TRAPPC9: variants seen among roughly 807,000 people sequenced by gnomAD.
The protein encoded by TRAPPC9 is trafficking protein particle complex subunit 9.
TRAPPC9 carries 83 observed loss-of-function variants against 124.0 expected under a neutral mutation model. The ratio of observed to expected loss-of-function variants is 0.67; its 90% CI spans 0.56 to 0.80. The LOEUF (loss-of-function observed/expected upper bound fraction) is 0.80. Ranked by LOEUF, TRAPPC9 falls within the 30% of genes least tolerant of loss-of-function variation. The probability of loss-of-function intolerance (pLI) is 0.00; values close to 1 mark genes in which losing one functional copy is unlikely to be tolerated. For synonymous variants in TRAPPC9, 638 were observed against 617.5 expected (o/e 1.03, Z -0.49); for missense variants, 1,302 against 1,508.3 (o/e 0.86, Z 2.27).
At chr8:140,119,724 G>A (rs1282163685) in intron 17 of TRAPPC9, among the ~76,000 whole-genome samples, 1 of 152,190 alleles carries the variant, frequency 6.6e-6, no homozygotes, top group African/African-American at 2.4e-5. Flanking sequence ...AAATAAACCA[G>A]GGAATTTAAC....
intron 1 of TRAPPC9, among the ~76,000 whole-genome samples, chr8:140,455,090 C>T (rs1488015432): frequency 1.3e-5 from 2 of 152,264 alleles, no homozygotes; most frequent in African/African-American, 2.4e-5. Context: ...GATCTGAAAA[C>T]ATGTGTCCAC....
intron 21 of TRAPPC9, among the ~76,000 whole-genome samples, chr8:139,835,133 C>T (rs1826249252): frequency 6.6e-6 from 1 of 152,182 alleles, no homozygotes; most frequent in African/African-American, 2.4e-5. Context: ...GGTGAATCAC[C>T]TCTCCTCTTG....
At chr8:140,007,338 T>TC (rs1838825709) in intron 18 of TRAPPC9, among the ~76,000 whole-genome samples, 1 of 152,188 alleles carries the variant, frequency 6.6e-6, no homozygotes, top group African/African-American at 2.4e-5. Context: ...TTGCAGCACA[T>TC]CAAGACATTT....
At chr8:139,749,699 A>G (rs933016307) in intron 21 of TRAPPC9, among the ~76,000 whole-genome samples, 20 of 152,314 alleles carry the variant, frequency 1.3e-4, no homozygotes, top group African/African-American at 4.6e-4. Flanking sequence ...GTCTTAGAGC[A>G]CAAACGGGAA....
chr8:139,987,713 C>T (rs575173477), intron 19 of TRAPPC9, among the ~76,000 whole-genome samples: 11 of 152,236 alleles, frequency 7.2e-5, no homozygotes, highest in South Asian at 4.1e-4. Flanking sequence ...TCCCTAGAAC[C>T]GGGCTGGGCT....
chr8:140,074,124 A>G (rs1243991641), intron 17 of TRAPPC9, among the ~76,000 whole-genome samples: 2 of 152,196 alleles, frequency 1.3e-5, no homozygotes, highest in Non-Finnish European at 2.9e-5. Context: ...TTCCAAAGGC[A>G]TCGTGGGTCA....
chr8:140,109,801 G>C (rs939350054), intron 17 of TRAPPC9, among the ~76,000 whole-genome samples: 1 of 152,210 alleles, frequency 6.6e-6, no homozygotes, highest in Non-Finnish European at 1.5e-5. Flanking sequence ...ACAGAAGGCA[G>C]ACACAGCCCA....
At chr8:140,036,589 GA>G (rs1840902342) in intron 17 of TRAPPC9, among the ~76,000 whole-genome samples, 1 of 152,180 alleles carries the variant, frequency 6.6e-6, no homozygotes, top group Non-Finnish European at 1.5e-5. Context: ...TCTGATTTAG[GA>G]CACAGGAAGT....
intron 17 of TRAPPC9, among the ~76,000 whole-genome samples, chr8:140,208,380 G>A (rs1336527531): frequency 6.6e-6 from 1 of 152,154 alleles, no homozygotes; most frequent in East Asian, 1.9e-4. Flanking sequence ...TCTTAAGGTG[G>A]TGGTCCTCAA....
chr8:139,975,167 C>T (rs7840170), intron 19 of TRAPPC9, among the ~76,000 whole-genome samples: 19,892 of 152,072 alleles, frequency 0.13, 1,730 homozygotes, highest in East Asian at 0.41. Context: ...CTGCCCTAGA[C>T]GAGACTTTCC....
chr8:140,212,986 T>C (rs999724067), intron 17 of TRAPPC9, among the ~76,000 whole-genome samples: 57 of 151,948 alleles, frequency 3.8e-4, no homozygotes, highest in African/African-American at 1.3e-3. Context: ...GGAGAATCGC[T>C]TGAACCCAGG....
chr8:139,858,571 G>C (rs770566323), intron 21 of TRAPPC9, among the ~76,000 whole-genome samples: 6 of 152,312 alleles, frequency 3.9e-5, no homozygotes, highest in Non-Finnish European at 7.4e-5. Context: ...TGTATACATA[G>C]GGGACAGCCA....
At chr8:139,750,299 GA>G (rs1465959572) in intron 21 of TRAPPC9, among the ~76,000 whole-genome samples, 1 of 152,192 alleles carries the variant, frequency 6.6e-6, no homozygotes, top group Non-Finnish European at 1.5e-5. Context: ...GCCACCCTGA[GA>G]ATGAATACTG....
At chr8:139,865,931 G>A (rs1828502016) in intron 21 of TRAPPC9, among the ~76,000 whole-genome samples, 1 of 152,190 alleles carries the variant, frequency 6.6e-6, no homozygotes, top group Non-Finnish European at 1.5e-5. Flanking sequence ...ATACATTTTA[G>A]GGAAGCCTGA....
chr8:140,329,315 G>A (rs7010437), intron 9 of TRAPPC9, among the ~76,000 whole-genome samples: 35,862 of 152,126 alleles, frequency 0.24, 5,002 homozygotes, highest in East Asian at 0.64. Context: ...ATCACCATAC[G>A]TGAGAGTTAA....
intron 16 of TRAPPC9, among the ~76,000 whole-genome samples, chr8:140,248,171 G>A (rs147501174): frequency 6.6e-6 from 1 of 152,262 alleles, no homozygotes; most frequent in East Asian, 1.9e-4. Context: ...ACTGTATTCT[G>A]TGTTTGGGGG....
chr8:140,442,140 G>C (rs922976051), intron 2 of TRAPPC9, among the ~76,000 whole-genome samples: 47 of 152,154 alleles, frequency 3.1e-4, no homozygotes, highest in Admixed American at 1.4e-3. Context: ...TATTTTTCTA[G>C]TAGCATCTTC....
intron 9 of TRAPPC9, among the ~76,000 whole-genome samples, chr8:140,327,407 A>G (rs2066768274): frequency 6.6e-6 from 1 of 152,190 alleles, no homozygotes. Context: ...CACTCCCACT[A>G]CATATATACC....
intron 17 of TRAPPC9, among the ~76,000 whole-genome samples, chr8:140,211,371 C>T (rs954761212): frequency 6.6e-6 from 1 of 152,194 alleles, no homozygotes; most frequent in African/African-American, 2.4e-5. Flanking sequence ...CCAGCCTGGG[C>T]AACATGTTGA....
Sources: gnomAD v4.1 joint callset for allele counts (sites outside exome capture counted in the v4.1 genomes callset) on GRCh38, gnomAD v4.1.1 for gene constraint, MANE v1.5 for transcripts, NCBI Gene and HGNC (gene_info 2026-07-23, HGNC 2026-07-21) for gene names.